Variants in PIGM observed in about 807,000 individuals in gnomAD.
PIGM encodes the protein GPI alpha-1,4-mannosyltransferase I, catalytic subunit.
Under a neutral mutation model 14.6 loss-of-function variants are expected in PIGM, and 7 were observed. That is an observed-to-expected ratio of 0.48 (90% CI 0.27 to 0.90). The LOEUF is 0.90. PIGM is among the 40% of genes least tolerant of loss of function. The pLI, the probability that PIGM is intolerant of heterozygous loss-of-function variation, is 0.12. For synonymous variants in PIGM, 216 were observed against 215.9 expected, an observed-to-expected ratio of 1.00 and a Z score of 0.00; for missense variants, 506 against 516.2, an observed-to-expected ratio of 0.98 and a Z score of 0.19.
In PIGM at chr1:160,031,297, G is replaced by A. The variant is rs1234654430; in HGVS notation, c.443C>T (p.Ser148Phe). 1 of 1,614,108 alleles carries A rather than the reference G, an allele frequency of 6.2e-7. No homozygotes were observed. The highest frequency in any genetic ancestry group is 8.5e-7 in the Non-Finnish European group (1 of 1,180,014). ...MAVSSRGNAD[S>F]IVASLVLMVL... is the part of the protein sequence containing the mutation. Reference sequence around the variant, plus strand: ...CATCAGGACCAGGGAGGCGACAATAGAGTCCGCATTACCGCGGCTGGATAC... The same window carrying A: ...CATCAGGACCAGGGAGGCGACAATAAAGTCCGCATTACCGCGGCTGGATAC... Residue 148 changes from serine to phenylalanine, a missense_variant, in exon 1 of 1, where the codon TCT becomes TTT. By Grantham distance (155) the Ser-to-Phe change is radical (BLOSUM62 -2). Coordinates refer to ENST00000368090, the MANE Select transcript of PIGM (RefSeq NM_145167.3).
At position 160,026,473 on chromosome 1, in the gene PIGM, T is replaced by C. The variant is rs541801120; in HGVS notation, c.*3995A>G. On this transcript the variant is annotated 3_prime_UTR_variant, in exon 1 of 1. Coordinates refer to ENST00000368090, the MANE Select transcript of PIGM (RefSeq NM_145167.3). ...TTCAAAAAATTTTATAAATATATAA[T>C]TATACATATACATAAAGCAAATATG... 1.8e-4 allele frequency: 27 copies of C among 152,302 alleles called. No individual in the cohort carries two copies. The South Asian group carries it at 4.8e-3, about 27-fold the overall frequency. The allele number at this position is 152,302 out of a possible 1,614,324, so 9.4% of individuals were successfully genotyped here.
In PIGM at chr1:160,027,277, G is replaced by A. The variant is rs887499348; in HGVS notation, c.*3191C>T. On this transcript the variant is annotated 3_prime_UTR_variant, in exon 1 of 1. Coordinates refer to ENST00000368090, the MANE Select transcript of PIGM (RefSeq NM_145167.3). Reference sequence around the variant, plus strand: ...GCAGAAAACAACTGATATTAGAGAAGTAACAGTAAATTCAGCCACAAGTCA... The same window carrying A: ...GCAGAAAACAACTGATATTAGAGAAATAACAGTAAATTCAGCCACAAGTCA... 6.6e-6 allele frequency: 1 copy of A among 152,136 alleles called. No individual in the cohort carries two copies. The highest frequency in any genetic ancestry group is 1.5e-5 in the Non-Finnish European group (1 of 68,026). 9.4% of individuals were successfully genotyped at this position (152,136 alleles called of 1,614,324 possible).
Position 160,029,435 on chromosome 1 carries a change from C to T in PIGM, c.*1033G>A, listed in dbSNP as rs1333305252. On this transcript the variant is annotated 3_prime_UTR_variant, in exon 1 of 1. Transcript: ENST00000368090. ...TTTTTGATATGGAGTCTTGCTCTGTCGCCCAGGCTGGAGCGCAGTGGTGCC... is the reference window on the plus strand; with the variant it reads ...TTTTTGATATGGAGTCTTGCTCTGTTGCCCAGGCTGGAGCGCAGTGGTGCC... The T allele has an allele frequency of 1.6e-5, 2 of 122,566 alleles. No homozygotes were observed. The highest frequency in any genetic ancestry group is 3.2e-5 in the African/African-American group (1 of 31,744). 7.6% of individuals were successfully genotyped at this position (122,566 alleles called of 1,614,324 possible). A position where few individuals can be genotyped will look rare whatever the true frequency, so the allele number is the denominator to read the frequency against.
chr1:160,030,972 G>T lies in PIGM; in HGVS notation c.768C>A (p.His256Gln). 1 of 1,614,114 alleles carries T rather than the reference G, an allele frequency of 6.2e-7. No homozygotes were observed. Among genetic ancestry groups the T allele is most frequent in the Non-Finnish European group, 8.5e-7 (1 of 1,180,034 alleles). The change falls in exon 1 of 1, where the codon CAC becomes CAA. Residue 256 changes from histidine to glutamine, a missense_variant. Physicochemically the swap from His to Gln is conservative, Grantham distance 24. Transcript: ENST00000368090. ...YYEYGWEFLE[H>Q]TYFYHLTRRD... ...GCCTAGTCAGGTGATAAAAGTAGGT[G>T]TGTTCCAAAAATTCCCAGCCGTACT... is the stretch of plus-strand genomic sequence containing the variant.
At position 160,031,837 on chromosome 1, in the gene PIGM, C is replaced by T; in HGVS notation, c.-98G>A. On this transcript the variant is annotated 5_prime_UTR_variant, in exon 1 of 1. Transcript: ENST00000368090. ...TTTGCAGCAGGTGGCCGCCGCATCTCCCACCCGCCAGGCTGCCAACCGAAA... is the reference window on the plus strand; with the variant it reads ...TTTGCAGCAGGTGGCCGCCGCATCTTCCACCCGCCAGGCTGCCAACCGAAA... 6 of 1,432,630 alleles carry T rather than the reference C, an allele frequency of 4.2e-6. No individual in the cohort carries two copies. Among genetic ancestry groups the T allele is most frequent in the Non-Finnish European group, 4.9e-6 (5 of 1,027,724 alleles). The allele number at this position is 1,432,630 out of a possible 1,614,324, so 88.7% of individuals were successfully genotyped here.
rs1454884653 is a variant in PIGM, at chr1:160,026,650, C to G, written c.*3818G>C. 3 of 151,972 alleles carry G rather than the reference C, an allele frequency of 2.0e-5. No individual in the cohort carries two copies. Among genetic ancestry groups the G allele is most frequent in the Admixed American group, 6.5e-5 (1 of 15,274 alleles). 9.4% of individuals were successfully genotyped at this position (151,972 alleles called of 1,614,324 possible). ...AAGTGATCTCCCTCTTGCAACATAG[C>G]AAGACCTCGTCTCTACAAAAAATAA... On this transcript the variant is annotated 3_prime_UTR_variant, in exon 1 of 1. Coordinates refer to ENST00000368090, the MANE Select transcript of PIGM (RefSeq NM_145167.3).
rs764597105 is a variant in PIGM at position 160,030,565 on chromosome 1, G to C, written c.1175C>G (p.Ala392Gly). ...ATTGATAAGAAGAAAGAACAAACCAGCTAACCAAATAAACAGAAAGGTGTT... is the reference window on the plus strand; with the variant it reads ...ATTGATAAGAAGAAAGAACAAACCACCTAACCAAATAAACAGAAAGGTGTT... ...GKNTFLFIWL[A>G]GLFFLLINCS... Residue 392 changes from alanine (A) to glycine (G), a missense_variant, in exon 1 of 1, where the codon GCT (alanine) becomes GGT (glycine). Coordinates refer to ENST00000368090, the MANE Select transcript of PIGM (RefSeq NM_145167.3). 1 of 1,614,000 alleles carries C rather than the reference G, an allele frequency of 6.2e-7. No individual in the cohort carries two copies. Among genetic ancestry groups the C allele is most frequent in the East Asian group, 2.2e-5 (1 of 44,888 alleles).
Position 160,031,602 on chromosome 1 carries a change from C to T in PIGM, c.138G>A (p.Arg46=). Reference sequence around the variant, plus strand: ...AGACCTGGTAGTCGATGTCCGTATACCTCACGTGCAGGGTCCGGTCCTGGA... The same window carrying T: ...AGACCTGGTAGTCGATGTCCGTATATCTCACGTGCAGGGTCCGGTCCTGGA... The part of the protein sequence containing the change: ...GVFQDRTLHV[R]YTDIDYQVFT... Residue 46 remains arginine (R), a synonymous_variant, in exon 1 of 1, where the codon AGG becomes AGA. Transcript: ENST00000368090. 9 of 1,614,166 alleles carry T rather than the reference C, an allele frequency of 5.6e-6. No homozygotes were observed. The highest frequency in any genetic ancestry group is 7.6e-6 in the Non-Finnish European group (9 of 1,180,038).
Position 160,031,289 on chromosome 1 carries a change from C to T in PIGM, c.451G>A (p.Ala151Thr), listed in dbSNP as rs757752156. The change falls in exon 1 of 1, where the codon GCC (alanine) becomes ACC (threonine). Residue 151 changes from alanine (A) to threonine (T), a missense_variant. Coordinates refer to ENST00000368090, the MANE Select transcript of PIGM (RefSeq NM_145167.3). The part of the protein sequence containing the change: ...SSRGNADSIV[A>T]SLVLMVLYLI... The stretch of plus-strand genomic sequence containing the variant: ...TAGAGGACCATCAGGACCAGGGAGG[C>T]GACAATAGAGTCCGCATTACCGCGG... 1.2e-6 allele frequency: 2 copies of T among 1,613,840 alleles called. No homozygotes were observed. The highest frequency in any genetic ancestry group is 1.7e-6 in the Non-Finnish European group (2 of 1,179,978).
rs1557964544 is a variant in PIGM at position 160,031,748 on chromosome 1, C to T, written c.-9G>A. 9 of 1,613,896 alleles carry T rather than the reference C, an allele frequency of 5.6e-6. No homozygotes were observed. Among genetic ancestry groups the T allele is most frequent in the Non-Finnish European group, 7.6e-6 (9 of 1,180,024 alleles). On this transcript the variant is annotated 5_prime_UTR_variant, in exon 1 of 1. Transcript: ENST00000368090. ...TGCTTGGTGGAGCCCATGATCTGAC[C>T]GTGCGACAGCTGCTTAGCCCCAGCT... is the stretch of plus-strand genomic sequence containing the variant.
chr1:160,031,387 C>A lies in PIGM; in HGVS notation c.353G>T (p.Gly118Val). ...GCCACAAGCCTGGCGGCGCCCCAGC[C>A]CCTTCAGCAGCAGCAGGCGGTATAA... ...FLLYRLLLLK[G>V]LGRRQACGYC... The change falls in exon 1 of 1, where the codon GGG (glycine) becomes GTG (valine). Residue 118 changes from glycine to valine, a missense_variant. Transcript: ENST00000368090. The A allele has an allele frequency of 1.2e-6, 2 of 1,607,654 alleles. No individual in the cohort carries two copies. Among genetic ancestry groups the A allele is most frequent in the Non-Finnish European group, 1.7e-6 (2 of 1,175,148 alleles).
rs991135305 is a variant in PIGM at position 160,025,875 on chromosome 1, C to T, written c.*4593G>A. ...TATAAATTTAGAATATGAATATCAACTTTGAAGTGTTGCTGTGAAAATTAA... is the reference window on the plus strand; with the variant it reads ...TATAAATTTAGAATATGAATATCAATTTTGAAGTGTTGCTGTGAAAATTAA... On this transcript the variant is annotated 3_prime_UTR_variant, in exon 1 of 1. Transcript: ENST00000368090. The T allele has an allele frequency of 6.6e-6, 1 of 152,164 alleles. No individual in the cohort carries two copies. Among genetic ancestry groups the T allele is most frequent in the Admixed American group, 6.5e-5 (1 of 15,278 alleles). The allele number at this position is 152,164 out of a possible 1,614,324, so 9.4% of individuals were successfully genotyped here.
rs1648223549 is a variant in PIGM, at chr1:160,027,984, T to C, written c.*2484A>G. The C allele has an allele frequency of 6.6e-6, 1 of 152,148 alleles. No homozygotes were observed. Among genetic ancestry groups the C allele is most frequent in the African/African-American group, 2.4e-5 (1 of 41,434 alleles). 9.4% of individuals were successfully genotyped at this position (152,148 alleles called of 1,614,324 possible). A position where few individuals can be genotyped will look rare whatever the true frequency, so the allele number is the denominator to read the frequency against. On this transcript the variant is annotated 3_prime_UTR_variant, in exon 1 of 1. Coordinates refer to ENST00000368090, the MANE Select transcript of PIGM (RefSeq NM_145167.3). ...CAGAAATGTTTCTAACTTCTAAGAA[T>C]GTCCTAAGAGAATGAGCTAAAACAC... is the stretch of plus-strand genomic sequence containing the variant.
In PIGM at chr1:160,031,699, A is replaced by C; in HGVS notation, c.41T>G (p.Leu14Trp). Residue 14 changes from leucine (L) to tryptophan (W), a missense_variant, in exon 1 of 1, where the codon TTG becomes TGG. Leu to Trp is a moderately conservative substitution (Grantham distance 61). Coordinates refer to ENST00000368090, the MANE Select transcript of PIGM (RefSeq NM_145167.3). ...TKHWGEWLLN[L>W]KVAPAGVFGV... Reference sequence around the variant, plus strand: ...AAAGACGCCGGCTGGAGCCACCTTCAAGTTCAGGAGCCATTCGCCCCAGTG... The same window carrying C: ...AAAGACGCCGGCTGGAGCCACCTTCCAGTTCAGGAGCCATTCGCCCCAGTG... 1 of 1,614,152 alleles carries C rather than the reference A, an allele frequency of 6.2e-7. No homozygotes were observed. Among genetic ancestry groups the C allele is most frequent in the Non-Finnish European group, 8.5e-7 (1 of 1,180,012 alleles).
rs1321819946 is a variant in PIGM at position 160,027,490 on chromosome 1, T to A, written c.*2978A>T. 6.6e-6 allele frequency: 1 copy of A among 152,176 alleles called. No individual in the cohort carries two copies. The highest frequency in any genetic ancestry group is 6.5e-5 in the Admixed American group (1 of 15,278). The allele number at this position is 152,176 out of a possible 1,614,324, so 9.4% of individuals were successfully genotyped here. A position where few individuals can be genotyped will look rare whatever the true frequency, so the allele number is the denominator to read the frequency against. On this transcript the variant is annotated 3_prime_UTR_variant, in exon 1 of 1. Coordinates refer to ENST00000368090, the MANE Select transcript of PIGM (RefSeq NM_145167.3). Reference sequence around the variant, plus strand: ...ATCCAGGAATATTTAGGAACCACATTCTAAAGACGTTACAAAGGCAATTAC... The same window carrying A: ...ATCCAGGAATATTTAGGAACCACATACTAAAGACGTTACAAAGGCAATTAC...
In PIGM at chr1:160,030,161, T is replaced by C. The variant is rs974892989; in HGVS notation, c.*307A>G. On this transcript the variant is annotated 3_prime_UTR_variant, in exon 1 of 1. Transcript: ENST00000368090. Reference sequence around the variant, plus strand: ...AATACTGGCTTAAACCTGATGTCTCTAACTATATTCCTCTATTTTAAGAAT... The same window carrying C: ...AATACTGGCTTAAACCTGATGTCTCCAACTATATTCCTCTATTTTAAGAAT... The C allele has an allele frequency of 8.9e-6, 3 of 338,396 alleles. No individual in the cohort carries two copies. The highest frequency in any genetic ancestry group is 8.1e-5 in the Admixed American group (2 of 24,730). 21.0% of individuals were successfully genotyped at this position (338,396 alleles called of 1,614,324 possible). A position where few individuals can be genotyped will look rare whatever the true frequency, so the allele number is the denominator to read the frequency against.
rs2101920506 is a variant in PIGM at position 160,031,919 on chromosome 1, C to G, written c.-180G>C. The G allele has an allele frequency of 2.4e-6, 2 of 824,092 alleles. No individual in the cohort carries two copies. Among genetic ancestry groups the G allele is most frequent in the African/African-American group, 1.7e-5 (1 of 59,156 alleles). 51.0% of individuals were successfully genotyped at this position (824,092 alleles called of 1,614,324 possible). A position where few individuals can be genotyped will look rare whatever the true frequency, so the allele number is the denominator to read the frequency against. On this transcript the variant is annotated 5_prime_UTR_variant, in exon 1 of 1. Transcript: ENST00000368090. The stretch of plus-strand genomic sequence containing the variant: ...CCCGCCCCCGTACTGCTACCTGTCT[C>G]CAGCCCCGCGCGGTCTTCTCAGCCG...
rs1648313785 is a variant in PIGM at position 160,031,022 on chromosome 1, C to CA, written c.717dup (p.Ala240CysfsTer9). ...TCATAGTAAAAACCAAAGCTCAGGG[C>CA]AAAAAACGTGAGTCCAGCAACTGCT... On this transcript the variant is annotated frameshift_variant, in exon 1 of 1. Coordinates refer to ENST00000368090, the MANE Select transcript of PIGM (RefSeq NM_145167.3). LOFTEE classifies it high-confidence loss of function. 1.2e-6 allele frequency: 2 copies of CA among 1,613,882 alleles called. No homozygotes were observed. Among genetic ancestry groups the CA allele is most frequent in the Non-Finnish European group, 1.7e-6 (2 of 1,180,004 alleles).
In PIGM at chr1:160,031,548, C is replaced by T; in HGVS notation, c.192G>A (p.Glu64=). 1 of 1,614,204 alleles carries T rather than the reference C, an allele frequency of 6.2e-7. No individual in the cohort carries two copies. The highest frequency in any genetic ancestry group is 8.5e-7 in the Non-Finnish European group (1 of 1,180,032). The change falls in exon 1 of 1, where the codon GAG becomes GAA. Residue 64 remains glutamate (E), a synonymous_variant. Transcript: ENST00000368090. ...TGGCTCTCAGGTAAGGCGAGCGCCC[C>T]TCCGTGACGAAGCGCGCGGCGTCGG... ...VFTDAARFVT[E]GRSPYLRATY...
Sources: gnomAD v4.1 joint callset for allele counts on GRCh38, gnomAD v4.1.1 for gene constraint, MANE v1.5 for transcripts, NCBI Gene and HGNC (gene_info 2026-07-23, HGNC 2026-07-21) for gene names.